The following MAPT variants were observed in gnomAD, a reference collection of about 807,000 sequenced individuals.
The protein encoded by MAPT is microtubule associated protein tau, also known as microtubule-associated protein tau.
Under a neutral mutation model 67.9 loss-of-function variants are expected in MAPT, and 34 were observed. That is an observed-to-expected ratio of 0.50 (90% CI 0.38 to 0.67). MAPT has a LOEUF of 0.67. Ranked by LOEUF, MAPT falls within the 30% of genes least tolerant of loss-of-function variation. MAPT has a pLI of 0.00. For synonymous variants in MAPT, 456 were observed against 464.5 expected (o/e 0.98, Z 0.23); for missense variants, 881 against 1,115.2 (o/e 0.79, Z 2.99).
chr17:45,978,231 C>G (rs749970133), intron 3 of MAPT, 144 bp from the exon 4 acceptor site: 1 of 747,724 alleles, frequency 1.3e-6, no homozygotes, highest in Non-Finnish European at 2.4e-6. Flanking sequence ...GCAGAGAAGC[C>G]AGAGCTGAGG....
intron 3 of MAPT, chr17:45,975,886 T>A (rs1364132550): frequency 6.6e-6 from 1 of 151,558 alleles, no homozygotes; most frequent in African/African-American, 2.4e-5. Context: ...CCTGCAGAGG[T>A]TTCAAGGAGA....
chr17:45,928,979 A>G (rs530981340), intron 1 of MAPT, among the ~76,000 whole-genome samples: 3 of 152,150 alleles, frequency 2.0e-5, no homozygotes, highest in Non-Finnish European at 4.4e-5. Flanking sequence ...GATTACAGGC[A>G]TGAGCCACTG....
At position 46,027,380 on chromosome 17, in the gene MAPT, C is replaced by G. The variant is rs2076853323; in HGVS notation, c.*3209C>G. On this transcript the variant is annotated 3_prime_UTR_variant, in exon 13 of 13. Coordinates refer to ENST00000262410, the MANE Select transcript of MAPT (RefSeq NM_001377265.1). ...CAGGGCTGGGCACTCCTCCCCTCCC[C>G]TCACTTCTCCCACCTGCAGAGCCAG... 1.3e-5 allele frequency: 2 copies of G among 152,960 alleles called. No homozygotes were observed. The highest frequency in any genetic ancestry group is 1.3e-4 in the Admixed American group (2 of 15,308). 9.5% of individuals were successfully genotyped at this position (152,960 alleles called of 1,614,324 possible). A position where few individuals can be genotyped will look rare whatever the true frequency, so the allele number is the denominator to read the frequency against.
chr17:45,925,507 A>G (rs1365377569), intron 1 of MAPT, among the ~76,000 whole-genome samples: 1 of 152,260 alleles, frequency 6.6e-6, no homozygotes, highest in African/African-American at 2.4e-5. Context: ...TTTCACTTCT[A>G]GGAATCTGTC....
At chr17:45,963,962 G>A (rs116282134) in intron 2 of MAPT, among the ~76,000 whole-genome samples, 7 of 152,278 alleles carry the variant, frequency 4.6e-5, no homozygotes, top group African/African-American at 4.8e-5. Flanking sequence ...AGACATGGGC[G>A]TATTGGGGGA....
rs1183941642 is a variant in MAPT, at chr17:46,009,553, A to G, written c.1999-757A>G. 2.0e-5 allele frequency among the ~76,000 whole-genome samples: 3 copies of G among 151,582 alleles called. No homozygotes were observed. The East Asian group carries it at 5.8e-4, about 29-fold the overall frequency. On this transcript the variant is annotated intron_variant, in intron 9 of 12. Transcript: ENST00000262410. ...CAGCTTCCGTTACGCACCTAGTGGC[A>G]TTGTGGGTGGGAGAGGGCTGGTGGG...
At chr17:45,991,100 G>T (rs1459977504) in intron 7 of MAPT, among the ~76,000 whole-genome samples, 1 of 152,226 alleles carries the variant, frequency 6.6e-6, no homozygotes, top group East Asian at 1.9e-4. Flanking sequence ...TCAGAAAATG[G>T]ATGTCTGCAT....
At chr17:45,910,584 T>C (rs1315989043) in intron 1 of MAPT, among the ~76,000 whole-genome samples, 1 of 152,016 alleles carries the variant, frequency 6.6e-6, no homozygotes, top group East Asian at 1.9e-4. Flanking sequence ...GCTTTTGTTT[T>C]GTTTTTCATG....
chr17:45,940,089 C>A (rs760693218), intron 1 of MAPT, among the ~76,000 whole-genome samples: 3 of 152,176 alleles, frequency 2.0e-5, no homozygotes, highest in Non-Finnish European at 4.4e-5. Flanking sequence ...TTAAAGGGGA[C>A]AAAGACAGCC....
intron 1 of MAPT, among the ~76,000 whole-genome samples, chr17:45,939,893 C>T (rs1777901159): frequency 6.6e-6 from 1 of 152,150 alleles, no homozygotes; most frequent in African/African-American, 2.4e-5. Context: ...TTCTGACATT[C>T]TTATGTTCCT....
chr17:45,999,821 C>T (rs137979182), intron 9 of MAPT: 4 of 649,316 alleles, frequency 6.2e-6, no homozygotes, highest in South Asian at 4.4e-5. Flanking sequence ...AGGACACAGT[C>T]ACAGCCTCCC....
In MAPT at chr17:46,004,305, A is replaced by C. The variant is rs141507427; in HGVS notation, c.1999-6005A>C. On this transcript the variant is annotated intron_variant, in intron 9 of 12. Transcript: ENST00000262410. ...CCCAAACAAAACCAGATCAAGGTCT[A>C]GTGAGAGCTTAGGGCTGCTTTGGGT... is the stretch of plus-strand genomic sequence containing the variant. Among the ~76,000 whole-genome samples, 297 of 152,326 alleles carry C rather than the reference A, an allele frequency of 1.9e-3. 1 individual carries two copies. Among genetic ancestry groups the C allele is most frequent in the African/African-American group, 6.9e-3 (287 of 41,568 alleles).
In MAPT at chr17:46,007,289, G is replaced by A. The variant is rs558808499; in HGVS notation, c.1999-3021G>A. ...CACTTGAGCCCAGGAGTTTGAGACC[G>A]GCCTGGGTGACATAGCGAGACCCCA... On this transcript the variant is annotated intron_variant, in intron 9 of 12. Coordinates refer to ENST00000262410, the MANE Select transcript of MAPT (RefSeq NM_001377265.1). Among the ~76,000 whole-genome samples, 205 of 152,198 alleles carry A rather than the reference G, an allele frequency of 1.3e-3. 2 individuals are homozygous for A. The highest frequency in any genetic ancestry group is 4.4e-3 in the African/African-American group (183 of 41,534).
chr17:46,011,551 T>C (rs1335617276), intron 10 of MAPT, among the ~76,000 whole-genome samples: 2 of 152,172 alleles, frequency 1.3e-5, no homozygotes, highest in Non-Finnish European at 2.9e-5. Context: ...GGCTTCATCA[T>C]CCCCTGGCCG....
chr17:45,916,162 G>A (rs573026128), intron 1 of MAPT, among the ~76,000 whole-genome samples: 2 of 152,140 alleles, frequency 1.3e-5, no homozygotes, highest in Non-Finnish European at 2.9e-5. Context: ...TTTGGGGGCC[G>A]TCTCTACACC....
chr17:46,009,845 A>C (rs1259719738), intron 9 of MAPT, among the ~76,000 whole-genome samples: 1 of 152,208 alleles, frequency 6.6e-6, no homozygotes, highest in Non-Finnish European at 1.5e-5. Flanking sequence ...GGCAGGCTTG[A>C]GAACAGCCGC....
intron 9 of MAPT, among the ~76,000 whole-genome samples, chr17:45,999,970 G>A (rs373673850): frequency 4.6e-5 from 7 of 152,204 alleles, no homozygotes; most frequent in African/African-American, 1.7e-4. Context: ...AAAATGACCC[G>A]CTGAAGGGTG....
intron 1 of MAPT, among the ~76,000 whole-genome samples, chr17:45,960,169 G>A (rs2070227585): frequency 6.6e-6 from 1 of 152,226 alleles, no homozygotes; most frequent in Non-Finnish European, 1.5e-5. Flanking sequence ...TTCATTAGAA[G>A]TCAAGCCCTG....
At chr17:46,007,288 C>T (rs1045157627) in intron 9 of MAPT, among the ~76,000 whole-genome samples, 33 of 151,822 alleles carry the variant, frequency 2.2e-4, no homozygotes, top group African/African-American at 6.8e-4. Flanking sequence ...AGTTTGAGAC[C>T]GGCCTGGGTG....
Sources: allele counts gnomAD v4.1 joint callset (sites outside exome capture counted in the v4.1 genomes callset), GRCh38; gene constraint gnomAD v4.1.1; transcripts MANE v1.5; gene names NCBI Gene and HGNC (gene_info 2026-07-23, HGNC 2026-07-21).